LACC1: variants seen among roughly 807,000 people sequenced by gnomAD.
The protein encoded by LACC1 is purine nucleoside phosphorylase LACC1.
Under a neutral mutation model 34.8 loss-of-function variants are expected in LACC1, and 25 were observed. That is an observed-to-expected ratio of 0.72 (90% CI 0.52 to 1.00). LACC1 has a LOEUF of 1.00. Ranked by LOEUF, LACC1 falls within the 50% of genes least tolerant of loss-of-function variation. LACC1 has a pLI of 0.00. For missense variants in LACC1, 426 were observed against 511.2 expected (o/e 0.83, Z 1.61); for synonymous variants, 162 against 168.0 (o/e 0.96, Z 0.28).
chr13:43,881,334 G>T lies in LACC1; in HGVS notation c.349G>T (p.Ala117Ser). 1 of 1,613,886 alleles carries T rather than the reference G, an allele frequency of 6.2e-7. No individual in the cohort carries two copies. Among genetic ancestry groups the T allele is most frequent in the Non-Finnish European group, 8.5e-7 (1 of 1,179,912 alleles). The change falls in exon 2 of 7, where the codon GCT (alanine) becomes TCT (serine). Residue 117 changes from alanine (A) to serine (S), a missense_variant. Physicochemically the swap from Ala to Ser is moderately conservative, Grantham distance 99. Coordinates refer to ENST00000325686, the MANE Select transcript of LACC1 (RefSeq NM_153218.4). ...CAGGCACAGGAAGACATTAATGAAA[G>T]CTTTTATTGATCAACTCTTCACTGA... ...VPRHRKTLMK[A>S]FIDQLFTDVY...
rs1222534094 is a variant in LACC1 at position 43,880,568 on chromosome 13, G to C, written c.-34-384G>C. 3.9e-5 allele frequency among the ~76,000 whole-genome samples: 6 copies of C among 152,300 alleles called. No individual in the cohort carries two copies. The East Asian group carries it at 1.2e-3, about 29-fold the overall frequency. ...TAAACTTAAGCCCCCGCATATGAAA[G>C]GATGAGACCTAATATGACAATCATG... On this transcript the variant is annotated intron_variant, in intron 1 of 6. Transcript: ENST00000325686.
chr13:43,883,676 A>T, intron 3 of LACC1, 95 bp from the exon 4 acceptor site: 1 of 859,588 alleles, frequency 1.2e-6, no homozygotes, highest in Non-Finnish European at 1.7e-6. Context: ...TAAACTGGTT[A>T]TATAATTTTA....
At chr13:43,879,308 C>G (rs1954790331), upstream of LACC1, 1 of 153,832 alleles carries the variant, frequency 6.5e-6, no homozygotes, top group Non-Finnish European at 1.4e-5. Flanking sequence ...TGCCGCCCTG[C>G]GCCCGCTCCC....
intron 3 of LACC1, 112 bp downstream of exon 3, chr13:43,882,475 T>A: frequency 1.4e-6 from 1 of 724,400 alleles, no homozygotes; most frequent in South Asian, 2.0e-5. Flanking sequence ...ATCTAAAGTT[T>A]TAGAATAATG....
intron 4 of LACC1, among the ~76,000 whole-genome samples, chr13:43,887,000 G>T (rs1847755053): frequency 6.6e-6 from 1 of 152,074 alleles, no homozygotes; most frequent in African/African-American, 2.4e-5. Flanking sequence ...CTGTAGAAAA[G>T]CCCTGACAGT....
In LACC1 at chr13:43,890,246, G is replaced by A; in HGVS notation, c.1266G>A (p.Gln422=). 6.2e-7 allele frequency: 1 copy of A among 1,613,484 alleles called. No individual in the cohort carries two copies. The highest frequency in any genetic ancestry group is 8.5e-7 in the Non-Finnish European group (1 of 1,179,742). Reference sequence around the variant, plus strand: ...GAGATGGCCTTAATTTTGGTACACAGATTGGCTTCATATCAATTAAAGAAT... The same window carrying A: ...GAGATGGCCTTAATTTTGGTACACAAATTGGCTTCATATCAATTAAAGAAT... The part of the protein sequence containing the change: ...HVRDGLNFGT[Q]IGFISIKE The change falls in exon 6 of 7, where the codon CAG becomes CAA. Residue 422 remains glutamine, a synonymous_variant. Coordinates refer to ENST00000325686, the MANE Select transcript of LACC1 (RefSeq NM_153218.4).
At chr13:43,882,776 A>G (rs1322152354) in intron 3 of LACC1, among the ~76,000 whole-genome samples, 1 of 152,162 alleles carries the variant, frequency 6.6e-6, no homozygotes, top group Non-Finnish European at 1.5e-5. Flanking sequence ...ACACATTCCT[A>G]GTATTAAACA....
chr13:43,889,955 C>T, intron 5 of LACC1, 159 bp from the exon 6 acceptor site: 3 of 576,408 alleles, frequency 5.2e-6, no homozygotes, highest in South Asian at 2.7e-5. Flanking sequence ...CATTTTTTTC[C>T]CTGACTAGTC....
At position 43,888,848 on chromosome 13, in the gene LACC1, A is replaced by C. The variant is rs1459566080; in HGVS notation, c.999A>C (p.Val333=). The change falls in exon 5 of 7, where the codon GTA becomes GTC. Residue 333 remains valine, a synonymous_variant. Transcript: ENST00000325686. ...GCAGTTTGGAAGACATTGTTGTTGT[A>C]CTTGGACCTTCAGTAGGACCTTGCT... ...YGCSLEDIVV[V]LGPSVGPCCF... 1 of 1,613,916 alleles carries C rather than the reference A, an allele frequency of 6.2e-7. No homozygotes were observed. The highest frequency in any genetic ancestry group is 8.5e-7 in the Non-Finnish European group (1 of 1,179,842).
chr13:43,890,220 C>T lies in LACC1; in HGVS notation c.1240C>T (p.Arg414Ter), dbSNP rs184370809. 1.9e-6 allele frequency: 3 copies of T among 1,613,668 alleles called. No homozygotes were observed. Among genetic ancestry groups the T allele is most frequent in the Admixed American group, 1.7e-5 (1 of 59,946 alleles). ...CHPDKFFSHVRDGLNFGTQIG... is the reference protein window; with the variant it reads ...CHPDKFFSHV ...TCCTGACAAGTTTTTCTCCCATGTC[C>T]GAGATGGCCTTAATTTTGGTACACA... Residue 414 changes from arginine (R) to a stop codon, truncating the protein, a stop_gained, in exon 6 of 7, where the codon CGA becomes TGA. Coordinates refer to ENST00000325686, the MANE Select transcript of LACC1 (RefSeq NM_153218.4). LOFTEE classifies it high-confidence loss of function.
At position 43,888,987 on chromosome 13, in the gene LACC1, G is replaced by A. The variant is rs756057792; in HGVS notation, c.1133+5G>A. On this transcript the variant is annotated splice_donor_5th_base_variant and intron_variant, in intron 5 of 6. Coordinates refer to ENST00000325686, the MANE Select transcript of LACC1 (RefSeq NM_153218.4). Reference sequence around the variant, plus strand: ...CGACATCCGTAAAGCCACAAGGTATGTCTGATTTCATTCAACTGCAAGTTT... The same window carrying A: ...CGACATCCGTAAAGCCACAAGGTATATCTGATTTCATTCAACTGCAAGTTT... 14 of 1,599,900 alleles carry A rather than the reference G, an allele frequency of 8.8e-6. No individual in the cohort carries two copies. Among genetic ancestry groups the A allele is most frequent in the Admixed American group, 3.3e-5 (2 of 59,876 alleles).
At chr13:43,886,309 A>G (rs1566968059) in intron 4 of LACC1, among the ~76,000 whole-genome samples, 2 of 152,224 alleles carry the variant, frequency 1.3e-5, no homozygotes, top group Non-Finnish European at 2.9e-5. Flanking sequence ...ATGCACACGT[A>G]TGTTCATCAC....
intron 5 of LACC1, 79 bp from the exon 6 acceptor site, chr13:43,890,035 C>T (rs1955502353): frequency 8.1e-7 from 1 of 1,240,374 alleles, no homozygotes; most frequent in Non-Finnish European, 1.1e-6. Flanking sequence ...TTCATGCCAA[C>T]ATCCATACTT....
intron 4 of LACC1, among the ~76,000 whole-genome samples, chr13:43,885,040 C>T (rs1239526377): frequency 6.6e-6 from 1 of 152,038 alleles, no homozygotes; most frequent in Non-Finnish European, 1.5e-5. Flanking sequence ...AATACAGTTA[C>T]CTTAACCAAG....
chr13:43,890,379 T>C, intron 6 of LACC1, 105 bp downstream of exon 6: 1 of 884,364 alleles, frequency 1.1e-6, no homozygotes, highest in Non-Finnish European at 1.6e-6. Flanking sequence ...TTCCTCCCCT[T>C]ATTTAAAAAA....
In LACC1 at chr13:43,886,395, G is replaced by A. The variant is rs117144527; in HGVS notation, c.908-2362G>A. Among the ~76,000 whole-genome samples the A allele has an allele frequency of 2.8e-4, 43 of 152,140 alleles. No homozygotes were observed. The East Asian group carries it at 8.3e-3, about 29-fold the overall frequency. On this transcript the variant is annotated intron_variant, in intron 4 of 6. Coordinates refer to ENST00000325686, the MANE Select transcript of LACC1 (RefSeq NM_153218.4). The stretch of plus-strand genomic sequence containing the variant: ...TGGTGGACTGGATAAAGAAAATATG[G>A]TACATATACATAATGGAATACTATA...
chr13:43,890,196 C>T lies in LACC1; in HGVS notation c.1216C>T (p.Pro406Ser), dbSNP rs1362830561. 1 of 1,613,492 alleles carries T rather than the reference C, an allele frequency of 6.2e-7. No homozygotes were observed. Among genetic ancestry groups the T allele is most frequent in the African/African-American group, 1.3e-5 (1 of 75,020 alleles). Residue 406 changes from proline to serine, a missense_variant, in exon 6 of 7, where the codon CCT becomes TCT. Physicochemically the swap from Pro to Ser is moderately conservative, Grantham distance 74 (BLOSUM62 -1). Coordinates refer to ENST00000325686, the MANE Select transcript of LACC1 (RefSeq NM_153218.4). ...TCTCAACCTCTGTACATCTTGCCAT[C>T]CTGACAAGTTTTTCTCCCATGTCCG... ...QDLNLCTSCHPDKFFSHVRDG... is the reference protein window; with the variant it reads ...QDLNLCTSCHSDKFFSHVRDG...
At chr13:43,881,881 TAGA>T (rs1955079079) in intron 2 of LACC1, among the ~76,000 whole-genome samples, 2 of 152,224 alleles carry the variant, frequency 1.3e-5, no homozygotes, top group South Asian at 4.1e-4. Context: ...GGCACCTTCA[TAGA>T]AGAGTAAAAT....
At position 43,881,399 on chromosome 13, in the gene LACC1, T is replaced by C. The variant is rs891698843; in HGVS notation, c.414T>C (p.Phe138=). ...AATTTGAAGATTTGCAAGTGACTTTTAGGGGAGGGCTTTTTAAACAGTCCA... is the reference window on the plus strand; with the variant it reads ...AATTTGAAGATTTGCAAGTGACTTTCAGGGGAGGGCTTTTTAAACAGTCCA... The part of the protein sequence containing the change: ...NFEFEDLQVT[F]RGGLFKQSIE... Residue 138 remains phenylalanine (F), a synonymous_variant, in exon 2 of 7, where the codon TTT becomes TTC. Transcript: ENST00000325686. The C allele has an allele frequency of 1.5e-5, 25 of 1,614,048 alleles. No individual in the cohort carries two copies. The Middle Eastern group carries it at 6.6e-4, about 42-fold the overall frequency.
Sources: gnomAD v4.1 joint callset for allele counts (sites outside exome capture counted in the v4.1 genomes callset) on GRCh38, gnomAD v4.1.1 for gene constraint, MANE v1.5 for transcripts, NCBI Gene and HGNC (gene_info 2026-07-23, HGNC 2026-07-21) for gene names.